The following NECTIN1 variants were observed in gnomAD, a reference collection of about 807,000 sequenced individuals.
NECTIN1 encodes the protein nectin-1.
In NECTIN1, 23 loss-of-function variants were observed where a neutral mutation model predicts 48.0. The observed-to-expected ratio is 0.48, with a 90% CI of 0.34 to 0.68. NECTIN1 has a LOEUF of 0.68. Among genes scored for constraint, NECTIN1 ranks in the 30% least tolerant of loss-of-function variants. The pLI is 0.01. For synonymous variants in NECTIN1, 270 were observed against 288.9 expected (o/e 0.93, Z 0.66); for missense variants, 591 against 709.9 (o/e 0.83, Z 1.90).
At chr11:119,648,834 T>C (rs2135530491) in intron 5 of NECTIN1, among the ~76,000 whole-genome samples, 1 of 152,176 alleles carries the variant, frequency 6.6e-6, no homozygotes. Context: ...AGGGTGGGAA[T>C]TCCAGTGGGT....
chr11:119,724,608 C>T (rs1010055121), intron 1 of NECTIN1, among the ~76,000 whole-genome samples: 5 of 152,202 alleles, frequency 3.3e-5, no homozygotes, highest in Non-Finnish European at 7.3e-5. Flanking sequence ...ACTCACAGGT[C>T]CTAGTCAGAA....
rs1040238823 is a variant in NECTIN1, at chr11:119,673,016, G to A, written c.1003+2143C>T. Among the ~76,000 whole-genome samples the A allele has an allele frequency of 3.9e-5, 6 of 152,148 alleles. No individual in the cohort carries two copies. The South Asian group carries it at 6.2e-4, about 16-fold the overall frequency. On this transcript the variant is annotated intron_variant, in intron 5 of 5. Coordinates refer to ENST00000264025, the MANE Select transcript of NECTIN1 (RefSeq NM_002855.5). The surrounding 1 kb of genome is among the most constrained non-coding windows in gnomAD (Gnocchi z 5.8). The stretch of plus-strand genomic sequence containing the variant: ...TGTGCCCAGGGTAAAGTTATTACCC[G>A]AACGAATGCCCAGAATGAAAAATTA...
chr11:119,656,618 C>T (rs1236707255), downstream of NECTIN1, among the ~76,000 whole-genome samples: 4 of 152,082 alleles, frequency 2.6e-5, no homozygotes, highest in African/African-American at 7.2e-5. Flanking sequence ...GGCTGGGGGA[C>T]CCTGGCCAGC....
chr11:119,638,637 C>A, intron 7 of NECTIN1: 1 of 1,175,600 alleles, frequency 8.5e-7, no homozygotes, highest in South Asian at 1.3e-5. Flanking sequence ...CGTGGCGGCT[C>A]TGTCTTCAGC....
chr11:119,680,581 A>T (rs1023043021), intron 1 of NECTIN1, among the ~76,000 whole-genome samples: 2 of 152,222 alleles, frequency 1.3e-5, no homozygotes, highest in African/African-American at 4.8e-5. Flanking sequence ...CTTCCGCTCG[A>T]GAGGCCACAG....
At position 119,719,906 on chromosome 11, in the gene NECTIN1, A is replaced by G. The variant is rs149356375; in HGVS notation, c.79+8569T>C. Among the ~76,000 whole-genome samples, 1,167 of 152,288 alleles carry G rather than the reference A, an allele frequency of 7.7e-3. 17 individuals carry two copies. The highest frequency in any genetic ancestry group is 0.027 in the African/African-American group (1,120 of 41,544). Reference sequence around the variant, plus strand: ...GGGAGCGGGTCATGAAAGCTTCACAATAGAAGTGGCTCTTGACTTCAGTAT... The same window carrying G: ...GGGAGCGGGTCATGAAAGCTTCACAGTAGAAGTGGCTCTTGACTTCAGTAT... On this transcript the variant is annotated intron_variant, in intron 1 of 5. Coordinates refer to ENST00000264025, the MANE Select transcript of NECTIN1 (RefSeq NM_002855.5).
Position 119,661,890 on chromosome 11 carries a change from T to C in NECTIN1, c.*2857A>G. On this transcript the variant is annotated 3_prime_UTR_variant, in exon 6 of 6. Transcript: ENST00000264025. ...CGTGGGTGTGTTGGAGGTGTGAGTG[T>C]GTCCACTGTGGGCACACGTACTGGG... The C allele has an allele frequency of 2.0e-6, 2 of 985,296 alleles. No homozygotes were observed. Among genetic ancestry groups the C allele is most frequent in the Non-Finnish European group, 2.4e-6 (2 of 829,984 alleles). The allele number at this position is 985,296 out of a possible 1,614,324, so 61.0% of individuals were successfully genotyped here.
chr11:119,669,537 C>A (rs571138502), intron 5 of NECTIN1, among the ~76,000 whole-genome samples: 2 of 152,192 alleles, frequency 1.3e-5, no homozygotes, highest in Non-Finnish European at 2.9e-5. Flanking sequence ...AACTGCTCCC[C>A]TGATTCCATC....
chr11:119,714,705 G>A lies in NECTIN1; in HGVS notation c.79+13770C>T, dbSNP rs79398725. 3.8e-3 allele frequency among the ~76,000 whole-genome samples: 582 copies of A among 151,760 alleles called. 5 individuals are homozygous for A. The highest frequency in any genetic ancestry group is 0.013 in the African/African-American group (540 of 41,408). On this transcript the variant is annotated intron_variant, in intron 1 of 5. Transcript: ENST00000264025. ...TCCTTAATTCCTACTGGAGATAAGC[G>A]GATCTTTCACTGAAATTTATCATTA...
chr11:119,707,470 TG>T (rs1865568093), intron 1 of NECTIN1, among the ~76,000 whole-genome samples: 1 of 151,970 alleles, frequency 6.6e-6, no homozygotes, highest in Non-Finnish European at 1.5e-5. Context: ...CCATCTCTCA[TG>T]CTAGTGACCA....
At chr11:119,657,124 T>C (rs1159850013), downstream of NECTIN1, among the ~76,000 whole-genome samples, 2 of 152,214 alleles carry the variant, frequency 1.3e-5, no homozygotes, top group African/African-American at 2.4e-5. Flanking sequence ...AATATGAAAG[T>C]GATGGATGAC....
chr11:119,675,088 C>T, intron 5 of NECTIN1, 71 bp downstream of exon 5: 1 of 1,562,332 alleles, frequency 6.4e-7, no homozygotes, highest in South Asian at 1.1e-5. Flanking sequence ...TGGCATTGCT[C>T]AAAGGTGAGG....
chr11:119,674,339 A>G, intron 5 of NECTIN1: 3 of 1,395,590 alleles, frequency 2.1e-6, no homozygotes, highest in South Asian at 1.5e-5. Flanking sequence ...CCCTGTGTGG[A>G]CTTGTTTTGA....
rs779080266 is a variant in NECTIN1, at chr11:119,639,976, GCT to G, written c.1038_1039del (p.Ala347GlnfsTer59). On this transcript the variant is annotated frameshift_variant, in exon 6 of 8. Transcript: ENST00000341398. LOFTEE classifies it high-confidence loss of function. The stretch of plus-strand genomic sequence containing the variant: ...GGCCACGGTGCCCGCCAGGAGCCTG[GCT>G]GCACTTCCCAGACCCCTCTGGGGGC... 5 of 1,613,992 alleles carry G rather than the reference GCT, an allele frequency of 3.1e-6. No homozygotes were observed. Among genetic ancestry groups the G allele is most frequent in the Non-Finnish European group, 4.2e-6 (5 of 1,179,922 alleles).
At chr11:119,653,526 C>T (rs970221080) in intron 5 of NECTIN1, among the ~76,000 whole-genome samples, 6 of 152,130 alleles carry the variant, frequency 3.9e-5, no homozygotes, top group African/African-American at 9.7e-5. Flanking sequence ...GCTGGTGGGT[C>T]GTGGTGCGAG....
rs561638064 is a variant in NECTIN1 at position 119,647,161 on chromosome 11, A to G, written c.1004-7149T>C. ...GATGAGGGGCCAGAGCTTGCGGCGCATGTGTGTGTGTGTGTGTGTGTGTGT... is the reference window on the plus strand; with the variant it reads ...GATGAGGGGCCAGAGCTTGCGGCGCGTGTGTGTGTGTGTGTGTGTGTGTGT... On this transcript the variant is annotated intron_variant, in intron 5 of 7. Transcript: ENST00000341398. Among the ~76,000 whole-genome samples, 386 of 84,766 alleles carry G rather than the reference A, an allele frequency of 4.6e-3. 3 individuals carry two copies. The highest frequency in any genetic ancestry group is 0.012 in the African/African-American group (243 of 19,916). 55.6% of individuals were successfully genotyped at this position (84,766 alleles called of 152,430 possible). A position where few individuals can be genotyped will look rare whatever the true frequency, so the allele number is the denominator to read the frequency against.
rs182765981 is a variant in NECTIN1 at position 119,663,567 on chromosome 11, C to T, written c.*1180G>A. 22 of 985,558 alleles carry T rather than the reference C, an allele frequency of 2.2e-5. No individual in the cohort carries two copies. Among genetic ancestry groups the T allele is most frequent in the East Asian group, 2.3e-4 (2 of 8,802 alleles). The allele number at this position is 985,558 out of a possible 1,614,324, so 61.1% of individuals were successfully genotyped here. Reference sequence around the variant, plus strand: ...GCATTGTATGGACTCCTCAGTCCCTCGGACTGTGTTTGCAGAGCTTCTGCC... The same window carrying T: ...GCATTGTATGGACTCCTCAGTCCCTTGGACTGTGTTTGCAGAGCTTCTGCC... On this transcript the variant is annotated 3_prime_UTR_variant, in exon 6 of 6. Coordinates refer to ENST00000264025, the MANE Select transcript of NECTIN1 (RefSeq NM_002855.5).
chr11:119,653,093 A>G (rs1258323768), intron 5 of NECTIN1, among the ~76,000 whole-genome samples: 1 of 152,220 alleles, frequency 6.6e-6, no homozygotes, highest in East Asian at 1.9e-4. Flanking sequence ...AATGGGGGTC[A>G]TGCCTGGGAG....
rs771878829 is a variant in NECTIN1 at position 119,665,259 on chromosome 11, G to C, written c.1042C>G (p.Arg348Gly). 1 of 1,597,440 alleles carries C rather than the reference G, an allele frequency of 6.3e-7. No individual in the cohort carries two copies. The highest frequency in any genetic ancestry group is 1.7e-5 in the Admixed American group (1 of 59,834). Residue 348 changes from arginine to glycine, a missense_variant, in exon 6 of 6, where the codon CGC becomes GGC. Coordinates refer to ENST00000264025, the MANE Select transcript of NECTIN1 (RefSeq NM_002855.5). The surrounding 1 kb of genome is among the most constrained non-coding windows in gnomAD (Gnocchi z 5.1). ...YTPSPPEHGR[R>G]AGPVPTAIIG... ...ATGGCCGTGGGCACCGGCCCGGCGC[G>C]CCGCCCATGTTCGGGAGGAGACGGG...
Sources: allele counts gnomAD v4.1 joint callset (sites outside exome capture counted in the v4.1 genomes callset), GRCh38; gene constraint gnomAD v4.1.1; non-coding constraint Gnocchi (gnomAD v3.1); transcripts MANE v1.5; gene names NCBI Gene and HGNC (gene_info 2026-07-23, HGNC 2026-07-21).